GRIK4: variants seen among roughly 807,000 people sequenced by gnomAD.
GRIK4 encodes glutamate receptor ionotropic, kainate 4.
GRIK4 carries 40 observed loss-of-function variants against 104.9 expected under a neutral mutation model. That is an observed-to-expected ratio of 0.38 (90% confidence interval 0.30 to 0.50). The LOEUF is 0.50. Among genes scored for constraint, GRIK4 ranks in the 20% least tolerant of loss-of-function variants. GRIK4 has a pLI of 0.93. For synonymous variants in GRIK4, 485 were observed against 524.9 expected (o/e 0.92, Z 1.04); for missense variants, 1,047 against 1,308.1 (o/e 0.80, Z 3.08).
intron 11 of GRIK4, among the ~76,000 whole-genome samples, chr11:120,890,942 T>G (rs1215218459): frequency 6.6e-6 from 1 of 152,208 alleles, no homozygotes; most frequent in South Asian, 2.1e-4. Flanking sequence ...AGAACAATCA[T>G]CTAAATGTAC....
chr11:120,982,748 T>C (rs1338342666), intron 20 of GRIK4, among the ~76,000 whole-genome samples: 2 of 152,218 alleles, frequency 1.3e-5, no homozygotes, highest in African/African-American at 4.8e-5. Flanking sequence ...TTATTAGATT[T>C]TTTTTAAAAG....
intron 8 of GRIK4, among the ~76,000 whole-genome samples, chr11:120,854,142 A>G (rs899441550): frequency 1.3e-5 from 2 of 152,220 alleles, no homozygotes; most frequent in African/African-American, 4.8e-5. Context: ...ATGTTATTAT[A>G]CTCAGTAATA....
intron 1 of GRIK4, among the ~76,000 whole-genome samples, chr11:120,533,792 G>C (rs912232919): frequency 6.6e-6 from 1 of 152,166 alleles, no homozygotes; most frequent in Non-Finnish European, 1.5e-5. Flanking sequence ...GCAGAGAATT[G>C]CTTGAATCCA....
chr11:120,856,348 T>A (rs1954105040), intron 8 of GRIK4, among the ~76,000 whole-genome samples: 1 of 152,192 alleles, frequency 6.6e-6, no homozygotes, highest in South Asian at 2.1e-4. Context: ...GGGGCACCAT[T>A]CACATGGTCA....
chr11:120,581,079 A>G (rs1027362355), intron 1 of GRIK4, among the ~76,000 whole-genome samples: 4 of 152,268 alleles, frequency 2.6e-5, no homozygotes, highest in Middle Eastern at 3.4e-3. Context: ...TTGGTGAAGT[A>G]TCTTTCAGTC....
At chr11:120,917,266 AAAAAAAG>A (rs1943127351) in intron 13 of GRIK4, among the ~76,000 whole-genome samples, 1 of 146,940 alleles carries the variant, frequency 6.8e-6, no homozygotes, top group South Asian at 2.1e-4. Flanking sequence ...AAAAAAAAAA[AAAAAAAG>A]AAAGAAAGAA....
At chr11:120,932,457 T>C (rs1255975048) in intron 13 of GRIK4, among the ~76,000 whole-genome samples, 1 of 141,884 alleles carries the variant, frequency 7.0e-6, no homozygotes, top group African/African-American at 2.5e-5. Flanking sequence ...CAGAGCCAAA[T>C]GTGCATTATC....
At chr11:120,961,283 G>A (rs939402070) in intron 17 of GRIK4, among the ~76,000 whole-genome samples, 5 of 152,174 alleles carry the variant, frequency 3.3e-5, no homozygotes, top group Non-Finnish European at 7.3e-5. Flanking sequence ...ATATCAGCCG[G>A]TGCCAGAGTG....
intron 1 of GRIK4, among the ~76,000 whole-genome samples, chr11:120,547,308 AC>A (rs1315145036): frequency 5.9e-5 from 9 of 152,106 alleles, no homozygotes; most frequent in African/African-American, 2.2e-4. Context: ...AAGGCCAGAG[AC>A]CTTGCCTTGG....
At chr11:120,557,319 G>A (rs1033391950) in intron 1 of GRIK4, among the ~76,000 whole-genome samples, 2 of 152,120 alleles carry the variant, frequency 1.3e-5, no homozygotes, top group African/African-American at 4.8e-5. Flanking sequence ...CCGCTGCCTT[G>A]GGGGAAGAAA....
At chr11:120,875,064 T>A in intron 10 of GRIK4, 75 bp from the exon 11 acceptor site, 1 of 904,348 alleles carries the variant, frequency 1.1e-6, no homozygotes, top group Non-Finnish European at 1.9e-6. Flanking sequence ...AAATAGCCCC[T>A]GTGTAGAAAT....
In GRIK4 at chr11:120,769,358, T is replaced by C. The variant is rs1160414623; in HGVS notation, c.83-33335T>C. ...TTCAAATTGTTCATAATAGTCTCTATGATTCTTTTGTTTCTGAGGCCACTA... is the reference window on the plus strand; with the variant it reads ...TTCAAATTGTTCATAATAGTCTCTACGATTCTTTTGTTTCTGAGGCCACTA... On this transcript the variant is annotated intron_variant, in intron 3 of 20. Coordinates refer to ENST00000527524, the MANE Select transcript of GRIK4 (RefSeq NM_014619.5). Among the ~76,000 whole-genome samples the C allele has an allele frequency of 3.9e-5, 6 of 152,216 alleles. No individual in the cohort carries two copies. The East Asian group carries it at 1.2e-3, about 29-fold the overall frequency.
At chr11:120,835,311 T>G (rs916133479) in intron 7 of GRIK4, among the ~76,000 whole-genome samples, 16 of 152,182 alleles carry the variant, frequency 1.1e-4, no homozygotes, top group Non-Finnish European at 1.5e-5. Context: ...GCAGATCACT[T>G]GAGGTCAAGA....
intron 13 of GRIK4, among the ~76,000 whole-genome samples, chr11:120,909,845 T>C (rs1942953360): frequency 6.6e-6 from 1 of 152,212 alleles, no homozygotes; most frequent in South Asian, 2.1e-4. Context: ...TCACATTTGT[T>C]ATCACCTGCT....
intron 3 of GRIK4, among the ~76,000 whole-genome samples, chr11:120,672,671 A>G (rs1479178544): frequency 6.6e-6 from 1 of 151,988 alleles, no homozygotes; most frequent in Non-Finnish European, 1.5e-5. Flanking sequence ...ATTCCTAGGT[A>G]TTTTATTCTC....
chr11:120,976,918 A>C (rs150921403), intron 19 of GRIK4, among the ~76,000 whole-genome samples: 1 of 152,228 alleles, frequency 6.6e-6, no homozygotes, highest in Non-Finnish European at 1.5e-5. Context: ...GGGCTAGGAC[A>C]TGAGTGTACC....
At chr11:120,848,286 G>T (rs1035275239) in intron 8 of GRIK4, among the ~76,000 whole-genome samples, 3 of 152,194 alleles carry the variant, frequency 2.0e-5, no homozygotes, top group African/African-American at 4.8e-5. Context: ...TACCTCCTAT[G>T]CTCTGTTCAC....
intron 3 of GRIK4, among the ~76,000 whole-genome samples, chr11:120,738,478 G>T (rs1951265973): frequency 6.6e-6 from 1 of 152,206 alleles, no homozygotes; most frequent in Admixed American, 6.5e-5. Context: ...CCAATGGCAG[G>T]GCACTCTGCT....
intron 3 of GRIK4, among the ~76,000 whole-genome samples, chr11:120,732,134 G>GT (rs927192820): frequency 3.3e-5 from 5 of 151,628 alleles, no homozygotes; most frequent in Middle Eastern, 3.4e-3. Context: ...GTTTTGTTTT[G>GT]TTTTTTGTTT....
Sources: allele counts gnomAD v4.1 joint callset (sites outside exome capture counted in the v4.1 genomes callset), GRCh38; gene constraint gnomAD v4.1.1; transcripts MANE v1.5; gene names NCBI Gene and HGNC (gene_info 2026-07-23, HGNC 2026-07-21).